SLC15A2: variants seen among roughly 807,000 people sequenced by gnomAD.
The protein encoded by SLC15A2 is kidney H(+)/peptide cotransporter.
Under a neutral mutation model 95.5 loss-of-function variants are expected in SLC15A2, and 77 were observed. The ratio of observed to expected loss-of-function variants is 0.81; its 90% confidence interval spans 0.67 to 0.97. SLC15A2 has a LOEUF of 0.97. Among genes scored for constraint, SLC15A2 ranks in the 50% least tolerant of loss-of-function variants. SLC15A2 has a pLI of 0.00. For missense variants in SLC15A2, 893 were observed against 874.4 expected (o/e 1.02, Z -0.27); for synonymous variants, 306 against 306.9 (o/e 1.00, Z 0.03).
intron 12 of SLC15A2, 43 bp from the exon 13 acceptor site, chr3:121,924,902 A>C: frequency 5.1e-6 from 7 of 1,359,974 alleles, no homozygotes; most frequent in Non-Finnish European, 7.4e-6. Flanking sequence ...CACTCATGAT[A>C]GGAGAATATT....
chr3:121,939,617 C>A (rs1205966544), intron 20 of SLC15A2, 122 bp downstream of exon 20: 3 of 738,682 alleles, frequency 4.1e-6, no homozygotes, highest in Non-Finnish European at 6.2e-6. Context: ...TTATTTATGA[C>A]CCTGAACATA....
chr3:121,917,738 A>G (rs904111019), intron 7 of SLC15A2, among the ~76,000 whole-genome samples: 1 of 152,074 alleles, frequency 6.6e-6, no homozygotes, highest in African/African-American at 2.4e-5. Flanking sequence ...TACTTTGGGG[A>G]TTGTAAAAAG....
intron 17 of SLC15A2, among the ~76,000 whole-genome samples, chr3:121,930,560 G>C (rs564622167): frequency 6.6e-6 from 1 of 152,302 alleles, no homozygotes; most frequent in East Asian, 1.9e-4. Context: ...TTCCATGAAT[G>C]ATCATGATAG....
intron 5 of SLC15A2, 51 bp from the exon 6 acceptor site, chr3:121,915,176 G>A (rs770970739): frequency 4.3e-6 from 6 of 1,406,486 alleles, no homozygotes; most frequent in Non-Finnish European, 6.0e-6. Context: ...CGTGGAGTGG[G>A]GCTGGAGCTA....
chr3:121,932,247 A>G (rs2107606757), intron 19 of SLC15A2, among the ~76,000 whole-genome samples: 1 of 152,356 alleles, frequency 6.6e-6, no homozygotes, highest in South Asian at 2.1e-4. Flanking sequence ...AGGGGTTGTT[A>G]AGAGATAACA....
chr3:121,927,648 C>T (rs1882002), intron 13 of SLC15A2, 110 bp from the exon 14 acceptor site: 307,979 of 725,242 alleles, frequency 0.42, 69,113 homozygotes, highest in East Asian at 0.72. Context: ...TATTTCTTTA[C>T]AGCAATGCAA....
At chr3:121,932,119 G>A (rs1424166139) in intron 19 of SLC15A2, among the ~76,000 whole-genome samples, 1 of 152,060 alleles carries the variant, frequency 6.6e-6, no homozygotes, top group Non-Finnish European at 1.5e-5. Context: ...GGCCAGGCTG[G>A]TCTCAAACTC....
intron 3 of SLC15A2, among the ~76,000 whole-genome samples, chr3:121,904,359 T>G (rs1200161663): frequency 6.6e-6 from 1 of 152,216 alleles, no homozygotes; most frequent in Non-Finnish European, 1.5e-5. Context: ...TCCTGCCTAA[T>G]TGCCCTGGCC....
intron 3 of SLC15A2, among the ~76,000 whole-genome samples, chr3:121,903,873 G>T (rs1018247869): frequency 6.6e-6 from 1 of 152,060 alleles, no homozygotes; most frequent in Non-Finnish European, 1.5e-5. Context: ...GTAGTTTTTT[G>T]CAATTCTCTG....
At chr3:121,919,019 C>A (rs1056284959) in intron 7 of SLC15A2, among the ~76,000 whole-genome samples, 12 of 152,106 alleles carry the variant, frequency 7.9e-5, no homozygotes, top group Admixed American at 6.6e-4. Context: ...GTGTTGGGTG[C>A]GGCATCTAGA....
Position 121,943,340 on chromosome 3 carries a change from A to T in SLC15A2, c.*2333A>T, listed in dbSNP as rs1710493926. On this transcript the variant is annotated 3_prime_UTR_variant, in exon 22 of 22. Transcript: ENST00000489711. ...GTTTAGCTATTTGGGGAGAACTTTC[A>T]TGGCTCTTCCCTAATCATCAAGTAT... 6.6e-6 allele frequency: 1 copy of T among 152,024 alleles called. No individual in the cohort carries two copies. The highest frequency in any genetic ancestry group is 2.4e-5 in the African/African-American group (1 of 41,394). The allele number at this position is 152,024 out of a possible 1,614,324, so 9.4% of individuals were successfully genotyped here.
chr3:121,905,344 C>G (rs1709613648), intron 3 of SLC15A2, among the ~76,000 whole-genome samples: 1 of 152,094 alleles, frequency 6.6e-6, no homozygotes, highest in Admixed American at 6.6e-5. Flanking sequence ...GTGTCTCTAT[C>G]TCCTTCAGTT....
intron 17 of SLC15A2, among the ~76,000 whole-genome samples, chr3:121,929,976 T>C (rs1352989646): frequency 6.6e-6 from 1 of 152,190 alleles, no homozygotes; most frequent in Non-Finnish European, 1.5e-5. Flanking sequence ...GTGGAGAACT[T>C]TTAGTGAAAA....
chr3:121,936,653 T>C (rs932136459), intron 19 of SLC15A2, among the ~76,000 whole-genome samples: 31 of 151,912 alleles, frequency 2.0e-4, no homozygotes, highest in Non-Finnish European at 4.6e-4. Flanking sequence ...TGAGCCTATG[T>C]GTGTCTCTGC....
At chr3:121,920,546 T>G (rs1709984627) in intron 7 of SLC15A2, among the ~76,000 whole-genome samples, 1 of 152,182 alleles carries the variant, frequency 6.6e-6, no homozygotes, top group South Asian at 2.1e-4. Context: ...TCCATCCGCC[T>G]TAGCCTTCCA....
chr3:121,919,119 A>G (rs9822474), intron 7 of SLC15A2, among the ~76,000 whole-genome samples: 66,846 of 152,010 alleles, frequency 0.44, 15,210 homozygotes, highest in East Asian at 0.69. Flanking sequence ...AGGGAGTCCC[A>G]AGGTCTGAGC....
intron 18 of SLC15A2, among the ~76,000 whole-genome samples, 195 bp downstream of exon 18, chr3:121,931,145 G>A (rs779676812): frequency 3.9e-5 from 6 of 152,114 alleles, no homozygotes; most frequent in Non-Finnish European, 8.8e-5. Flanking sequence ...GATCACGATT[G>A]CCGTGAAGAC....
chr3:121,923,351 CT>C, intron 11 of SLC15A2, 85 bp downstream of exon 11: 5 of 1,359,874 alleles, frequency 3.7e-6, no homozygotes, highest in Middle Eastern at 3.7e-4. Flanking sequence ...GTGATTTTGC[CT>C]GAAAACTAAC....
Position 121,915,766 on chromosome 3 carries a change from T to C in SLC15A2, c.697+73T>C, listed in dbSNP as rs141858424. ...CATGTAAAGCATCATGTAGGCACTT[T>C]ACACAAGCTGTTTCATTCAATCCTC... On this transcript the variant is annotated intron_variant, in intron 7 of 21. Transcript: ENST00000489711. 5 of 1,041,946 alleles carry C rather than the reference T, an allele frequency of 4.8e-6. No individual in the cohort carries two copies. In the Admixed American group the frequency reaches 8.5e-5, roughly 18 times the overall value. 64.5% of individuals were successfully genotyped at this position (1,041,946 alleles called of 1,614,324 possible).
Sources: gnomAD v4.1 joint callset for allele counts (sites outside exome capture counted in the v4.1 genomes callset) on GRCh38, gnomAD v4.1.1 for gene constraint, MANE v1.5 for transcripts, NCBI Gene and HGNC (gene_info 2026-07-23, HGNC 2026-07-21) for gene names.